The following EMSY variants were observed in gnomAD, a reference collection of about 807,000 sequenced individuals.
The protein encoded by EMSY is EMSY transcriptional repressor, BRCA2 interacting.
EMSY carries 26 observed loss-of-function variants against 134.6 expected under a neutral mutation model. The ratio of observed to expected loss-of-function variants is 0.19; its 90% CI spans 0.14 to 0.27. The LOEUF (loss-of-function observed/expected upper bound fraction) is 0.27. EMSY is among the 10% of genes least tolerant of loss of function. The pLI, the probability that EMSY is intolerant of heterozygous loss-of-function variation, is 1.00. For synonymous variants in EMSY, 579 were observed against 577.8 expected (o/e 1.00, Z -0.03); for missense variants, 1,305 against 1,611.4 (o/e 0.81, Z 3.26).
At chr11:76,528,224 G>A (rs375827593) in intron 13 of EMSY, 44 bp from the exon 15 acceptor site, 59 of 1,538,758 alleles carry the variant, frequency 3.8e-5, no homozygotes, top group East Asian at 1.1e-4. Context: ...TTTTTAAATC[G>A]TTTTCTAAAA....
exon 21 of EMSY, chr11:76,550,883 G>C (rs143693958): frequency 2.0e-5 from 3 of 152,376 alleles, no homozygotes; most frequent in Non-Finnish European, 4.4e-5. Flanking sequence ...GATTGCCTAC[G>C]CTTTCCACTG....
At chr11:76,483,018 C>T (rs1452023322) in intron 8 of EMSY, among the ~76,000 whole-genome samples, 1 of 152,180 alleles carries the variant, frequency 6.6e-6, no homozygotes, top group Non-Finnish European at 1.5e-5. Context: ...TAGGGTTACC[C>T]ACAAAGGGAA....
chr11:76,518,685 A>ATATATATATATC (rs1950536993), intron 11 of EMSY, among the ~76,000 whole-genome samples: 1 of 50,286 alleles, frequency 2.0e-5, no homozygotes, highest in Non-Finnish European at 4.8e-5. Context: ...GTGTGCGCGC[A>ATATATATATATC]TATATATATA....
chr11:76,497,658 ATTC>A (rs1253825746), intron 9 of EMSY, among the ~76,000 whole-genome samples: 1 of 152,098 alleles, frequency 6.6e-6, no homozygotes, highest in East Asian at 1.9e-4. Context: ...GTTCTTTACT[ATTC>A]TTTTAATGGC....
intron 11 of EMSY, among the ~76,000 whole-genome samples, chr11:76,519,222 G>A (rs368007123): frequency 2.0e-5 from 3 of 151,740 alleles, no homozygotes; most frequent in African/African-American, 4.8e-5. Context: ...CTGCCACCAC[G>A]CTCGGCTAAT....
intron 8 of EMSY, among the ~76,000 whole-genome samples, chr11:76,493,433 G>C (rs1176701687): frequency 6.6e-6 from 1 of 152,218 alleles, no homozygotes; most frequent in Non-Finnish European, 1.5e-5. Flanking sequence ...TCAAACCAGG[G>C]ATGGCCTGAA....
chr11:76,528,175 T>C (rs1950911088), intron 13 of EMSY, 93 bp from the exon 15 acceptor site: 2 of 1,109,172 alleles, frequency 1.8e-6, no homozygotes, highest in East Asian at 2.5e-5. Context: ...ATAGTTTCCA[T>C]ACCAGGAAAA....
intron 2 of EMSY, among the ~76,000 whole-genome samples, chr11:76,447,406 T>C (rs1947463472): frequency 6.6e-6 from 1 of 152,192 alleles, no homozygotes; most frequent in East Asian, 1.9e-4. Context: ...AGACATGGAG[T>C]CAGTATTTGA....
chr11:76,546,309 A>G lies in EMSY; in HGVS notation c.3774+12A>G. ...AAATTATCATCCAGGTAAGAATTGG[A>G]AGGAAAATGAGAAATCTTGTGCATC... On this transcript the variant is annotated intron_variant, in intron 20 of 20. Transcript: ENST00000334736. 9 of 1,595,602 alleles carry G rather than the reference A, an allele frequency of 5.6e-6. No homozygotes were observed. Among genetic ancestry groups the G allele is most frequent in the Non-Finnish European group, 7.7e-6 (9 of 1,171,372 alleles).
At chr11:76,511,916 T>A (rs1950291858) in intron 9 of EMSY, among the ~76,000 whole-genome samples, 1 of 152,180 alleles carries the variant, frequency 6.6e-6, no homozygotes, top group African/African-American at 2.4e-5. Context: ...ACTAATAGAA[T>A]CATTATTTTA....
chr11:76,545,672 A>G, intron 19 of EMSY, 125 bp from the exon 21 acceptor site: 1 of 1,198,500 alleles, frequency 8.3e-7, no homozygotes, highest in Non-Finnish European at 1.2e-6. Flanking sequence ...TTAAAACAGC[A>G]AGCTTCAAAA....
chr11:76,470,668 T>C (rs1393331930), intron 7 of EMSY, among the ~76,000 whole-genome samples: 1 of 152,110 alleles, frequency 6.6e-6, no homozygotes, highest in African/African-American at 2.4e-5. Context: ...TTGCCTCTTA[T>C]CATGTAGCAG....
intron 12 of EMSY, among the ~76,000 whole-genome samples, chr11:76,525,000 G>A (rs1235225019): frequency 6.6e-6 from 1 of 152,188 alleles, no homozygotes; most frequent in African/African-American, 2.4e-5. Context: ...CTGGGTGACA[G>A]AGCAAGACTC....
At chr11:76,461,591 G>A (rs1443857690) in intron 6 of EMSY, among the ~76,000 whole-genome samples, 4 of 152,162 alleles carry the variant, frequency 2.6e-5, no homozygotes, top group African/African-American at 9.7e-5. Flanking sequence ...TAGCCAAGGT[G>A]GTCTTTTAAA....
intron 19 of EMSY, 174 bp downstream of exon 20, chr11:76,544,996 T>A (rs1951590588): frequency 2.9e-6 from 2 of 694,724 alleles, no homozygotes; most frequent in Non-Finnish European, 4.7e-6. Flanking sequence ...AGGGAAGAAA[T>A]GCACGCATTA....
rs1018604264 is a variant in EMSY, at chr11:76,526,359, C to G, written c.1822-103C>G. The G allele has an allele frequency of 9.3e-6, 7 of 754,748 alleles. No individual in the cohort carries two copies. The African/African-American group carries it at 1.3e-4, about 14-fold the overall frequency. The allele number at this position is 754,748 out of a possible 1,614,324, so 46.8% of individuals were successfully genotyped here. A position where few individuals can be genotyped will look rare whatever the true frequency, so the allele number is the denominator to read the frequency against. ...TATACTTTGTTACATAATCTACAGC[C>G]CTTTTTTCATCATCCTGGTAAAACC... On this transcript the variant is annotated intron_variant, in intron 12 of 20. Coordinates refer to ENST00000334736, the Ensembl canonical transcript of EMSY.
At chr11:76,516,152 A>C in exon 11 of EMSY, 1 of 1,611,314 alleles carries the variant, frequency 6.2e-7, no homozygotes, top group Admixed American at 1.7e-5. Flanking sequence ...GCACACAAGC[A>C]ACCTATACCC....
chr11:76,496,351 G>A (rs144872506), exon 9 of EMSY: 1 of 1,614,136 alleles, frequency 6.2e-7, no homozygotes, highest in Admixed American at 1.7e-5. Flanking sequence ...TATATCAAGT[G>A]CAACAGCAGA....
chr11:76,519,110 G>A (rs1352756780), intron 11 of EMSY, among the ~76,000 whole-genome samples: 1 of 150,166 alleles, frequency 6.7e-6, no homozygotes, highest in African/African-American at 2.5e-5. Context: ...TGTCACCTAG[G>A]CTGGAATGCA....
Sources: allele counts gnomAD v4.1 joint callset (sites outside exome capture counted in the v4.1 genomes callset), GRCh38; gene constraint gnomAD v4.1.1; transcripts MANE v1.5; gene names NCBI Gene and HGNC (gene_info 2026-07-23, HGNC 2026-07-21).